Variants in TGFBR3 observed in about 807,000 individuals in gnomAD.
TGFBR3 encodes the protein transforming growth factor beta receptor 3.
Under a neutral mutation model 87.9 loss-of-function variants are expected in TGFBR3, and 46 were observed. The ratio of observed to expected loss-of-function variants is 0.52; its 90% CI spans 0.41 to 0.67. TGFBR3 has a LOEUF of 0.67. Ranked by LOEUF, TGFBR3 falls within the 30% of genes least tolerant of loss-of-function variation. TGFBR3 has a pLI of 0.00. For missense variants in TGFBR3, 866 were observed against 1,041.9 expected (o/e 0.83, Z 2.32); for synonymous variants, 381 against 391.6 (o/e 0.97, Z 0.32).
intron 5 of TGFBR3, 109 bp downstream of exon 5, chr1:91,734,667 G>A (rs377124917): frequency 2.2e-5 from 30 of 1,393,860 alleles, no homozygotes; most frequent in East Asian, 6.9e-5. Context: ...TCCCTTCCAG[G>A]TCCAACATTC....
chr1:91,767,832 T>C (rs11808340), intron 3 of TGFBR3, among the ~76,000 whole-genome samples: 2,133 of 151,422 alleles, frequency 0.014, 76 homozygotes, highest in African/African-American at 0.05. Context: ...CAATTCTTTC[T>C]GGAAGGAGGG....
intron 3 of TGFBR3, among the ~76,000 whole-genome samples, chr1:91,763,123 G>A (rs1674034624): frequency 6.6e-6 from 1 of 152,180 alleles, no homozygotes; most frequent in South Asian, 2.1e-4. Context: ...GGAAGAGGGG[G>A]AAACCCTACT....
chr1:91,808,660 T>C (rs1302727212), intron 2 of TGFBR3, among the ~76,000 whole-genome samples: 1 of 152,124 alleles, frequency 6.6e-6, no homozygotes, highest in Non-Finnish European at 1.5e-5. Flanking sequence ...GAGATGGGGT[T>C]TCACCATGTT....
chr1:91,857,870 A>G (rs1485353868), intron 2 of TGFBR3, among the ~76,000 whole-genome samples: 3 of 152,246 alleles, frequency 2.0e-5, no homozygotes, highest in Non-Finnish European at 4.4e-5. Flanking sequence ...AGCAGGGATC[A>G]GTGAATAAAT....
At chr1:91,759,432 C>T (rs1673877885) in intron 3 of TGFBR3, among the ~76,000 whole-genome samples, 2 of 128,734 alleles carry the variant, frequency 1.6e-5, no homozygotes, top group Admixed American at 7.6e-5. Flanking sequence ...GGGATGGATA[C>T]AAAAACTGTA....
chr1:91,741,734 T>C (rs576435877), intron 4 of TGFBR3, among the ~76,000 whole-genome samples: 4 of 152,218 alleles, frequency 2.6e-5, no homozygotes, highest in Admixed American at 2.6e-4. Context: ...GACTATTTAT[T>C]CCATGCCCCA....
At chr1:91,713,666 G>A (rs1672065837) in intron 12 of TGFBR3, among the ~76,000 whole-genome samples, 3 of 152,190 alleles carry the variant, frequency 2.0e-5, no homozygotes, top group South Asian at 2.1e-4. Flanking sequence ...AGATTCCTAC[G>A]TGGTGGTTAA....
intron 2 of TGFBR3, among the ~76,000 whole-genome samples, chr1:91,825,978 C>CA (rs59220803): frequency 0.73 from 108,189 of 148,354 alleles, 40,062 homozygotes; most frequent in East Asian, 0.96. Context: ...GACCCCATCT[C>CA]AAAAAAAAAA....
Position 91,903,338 on chromosome 1 carries a change from CAAAAAAAAAAAAAA to C in TGFBR3, c.-175+2474_-175+2487del, listed in dbSNP as rs58672104. ...TGGGAGACAGAGTGAGATTCTGCCT[CAAAAAAAAAAAAAA>C]AAAAAAAAAAAAAATTGCCAGTCTG... On this transcript the variant is annotated intron_variant, in intron 1 of 17. Transcript: ENST00000370399. Among the ~76,000 whole-genome samples the C allele has an allele frequency of 2.0e-4, 10 of 50,506 alleles. No individual in the cohort carries two copies. The East Asian group carries it at 2.6e-3, about 13-fold the overall frequency. 33.1% of individuals were successfully genotyped at this position (50,506 alleles called of 152,430 possible).
At chr1:91,818,825 C>T (rs960669750) in intron 2 of TGFBR3, among the ~76,000 whole-genome samples, 30 of 152,294 alleles carry the variant, frequency 2.0e-4, no homozygotes, top group Middle Eastern at 3.4e-3. Context: ...TATCCTATTA[C>T]AAGTTTTAGA....
chr1:91,833,912 GA>G (rs1676960478), intron 2 of TGFBR3, among the ~76,000 whole-genome samples: 1 of 151,896 alleles, frequency 6.6e-6, no homozygotes, highest in Admixed American at 6.6e-5. Context: ...AAGAAACAAA[GA>G]AAAAAGGAGG....
At chr1:91,749,154 C>T (rs113312879) in intron 4 of TGFBR3, among the ~76,000 whole-genome samples, 68 of 152,264 alleles carry the variant, frequency 4.5e-4, no homozygotes, top group African/African-American at 1.6e-3. Context: ...GGCTTGGCTC[C>T]AAACAGCAGC....
chr1:91,894,666 C>A (rs771963155), intron 2 of TGFBR3, among the ~76,000 whole-genome samples: 2 of 152,272 alleles, frequency 1.3e-5, no homozygotes, highest in Non-Finnish European at 2.9e-5. Context: ...CCTCCCATCA[C>A]ACTGGCTGTT....
intron 2 of TGFBR3, among the ~76,000 whole-genome samples, chr1:91,847,287 C>A (rs1430697930): frequency 6.6e-6 from 1 of 152,022 alleles, no homozygotes; most frequent in Non-Finnish European, 1.5e-5. Flanking sequence ...TTTTTAAAAG[C>A]TCTAGACTGG....
At chr1:91,856,318 G>A (rs1006913716) in intron 2 of TGFBR3, among the ~76,000 whole-genome samples, 7 of 152,110 alleles carry the variant, frequency 4.6e-5, no homozygotes, top group East Asian at 1.9e-4. Context: ...TGCCCGCCTC[G>A]GCCTCCCAAA....
Position 91,882,063 on chromosome 1 carries a change from T to TA in TGFBR3, c.-114+3814dup, listed in dbSNP as rs1463021782. On this transcript the variant is annotated intron_variant, in intron 1 of 16. Coordinates refer to ENST00000212355, the MANE Select transcript of TGFBR3 (RefSeq NM_003243.5). ...CAAAAATAAATAAATAAATAAATAA[T>TA]AAAAAAATACTACATAATACGCAAG... Among the ~76,000 whole-genome samples the TA allele has an allele frequency of 1.0e-3, 52 of 50,084 alleles. No homozygotes were observed. The East Asian group carries it at 0.013, about 12-fold the overall frequency. 32.9% of individuals were successfully genotyped at this position (50,084 alleles called of 152,430 possible).
chr1:91,856,130 T>G (rs1677938534), intron 2 of TGFBR3, among the ~76,000 whole-genome samples: 1 of 152,140 alleles, frequency 6.6e-6, no homozygotes, highest in Non-Finnish European at 1.5e-5. Context: ...TGGCGCGATC[T>G]CAGCTCACTG....
Position 91,716,631 on chromosome 1 carries a change from A to G in TGFBR3, c.1644T>C (p.Asn548=). The G allele has an allele frequency of 1.2e-6, 2 of 1,614,176 alleles. No individual in the cohort carries two copies. Among genetic ancestry groups the G allele is most frequent in the Non-Finnish European group, 1.7e-6 (2 of 1,180,016 alleles). The part of the protein sequence containing the change: ...DGYEDLESGD[N]GFPGDMDEGD... ...CTTCATCCATATCTCCCGGAAATCC[A>G]TTATCACCTGACTCCAGATCTTCAT... The change falls in exon 11 of 17, where the codon AAT becomes AAC. Residue 548 remains asparagine (N), a synonymous_variant. Transcript: ENST00000212355.
At chr1:91,796,060 T>C (rs1257169070) in intron 3 of TGFBR3, among the ~76,000 whole-genome samples, 2 of 152,222 alleles carry the variant, frequency 1.3e-5, no homozygotes, top group East Asian at 1.9e-4. Flanking sequence ...AGCTCAAAGA[T>C]AAATTCCATT....
Sources: allele counts gnomAD v4.1 joint callset (sites outside exome capture counted in the v4.1 genomes callset), GRCh38; gene constraint gnomAD v4.1.1; transcripts MANE v1.5; gene names NCBI Gene and HGNC (gene_info 2026-07-23, HGNC 2026-07-21).